Variants in PPIL6 observed in about 807,000 individuals in gnomAD.
The protein encoded by PPIL6 is peptidylprolyl isomerase like 6.
A neutral mutation model predicts 36.8 loss-of-function variants in PPIL6; 39 were observed. The ratio of observed to expected loss-of-function variants is 1.06; its 90% CI spans 0.82 to 1.38. PPIL6 has a LOEUF of 1.38. PPIL6 is among the 40% of genes most tolerant of loss of function. The probability of loss-of-function intolerance (pLI) is 0.00; values close to 1 mark genes in which losing one functional copy is unlikely to be tolerated. For synonymous variants in PPIL6, 123 were observed against 134.1 expected, an observed-to-expected ratio of 0.92 and a Z score of 0.57; for missense variants, 368 against 379.1, an observed-to-expected ratio of 0.97 and a Z score of 0.24.
chr6:109,440,694 T>C (rs893691491), upstream of PPIL6: 1 of 846,760 alleles, frequency 1.2e-6, no homozygotes, highest in Non-Finnish European at 1.5e-6. Flanking sequence ...CAGGGGCGGG[T>C]CGAGGGCGGC....
intron 5 of PPIL6, among the ~76,000 whole-genome samples, chr6:109,420,954 C>T (rs975265949): frequency 7.2e-5 from 11 of 152,192 alleles, no homozygotes; most frequent in Middle Eastern, 3.2e-3. Flanking sequence ...GGTTCACTAC[C>T]CAGCCCCAGG....
chr6:109,410,569 C>G lies in PPIL6; in HGVS notation c.688+8618G>C, dbSNP rs375208852. Among the ~76,000 whole-genome samples, 8 of 152,248 alleles carry G rather than the reference C, an allele frequency of 5.3e-5. No homozygotes were observed. The East Asian group carries it at 1.2e-3, about 22-fold the overall frequency. On this transcript the variant is annotated intron_variant, in intron 6 of 7. Coordinates refer to ENST00000521072, the MANE Select transcript of PPIL6 (RefSeq NM_173672.5). Reference sequence around the variant, plus strand: ...CTACTTGTTGAATGGAACTCTCCCCCACTTAACGGATTCCACTTGAACCCC... The same window carrying G: ...CTACTTGTTGAATGGAACTCTCCCCGACTTAACGGATTCCACTTGAACCCC...
chr6:109,405,474 C>G (rs1562258678), intron 6 of PPIL6, among the ~76,000 whole-genome samples: 1 of 152,166 alleles, frequency 6.6e-6, no homozygotes, highest in Non-Finnish European at 1.5e-5. Context: ...GAATTTCTCC[C>G]AGTCTGGAGT....
chr6:109,423,304 T>C (rs1419339940), intron 5 of PPIL6, among the ~76,000 whole-genome samples: 3 of 152,014 alleles, frequency 2.0e-5, no homozygotes, highest in Non-Finnish European at 4.4e-5. Flanking sequence ...GAGGTGGAGG[T>C]TGCAGTGAGC....
chr6:109,440,728 A>C, upstream of PPIL6: 2 of 513,478 alleles, frequency 3.9e-6, no homozygotes, highest in Non-Finnish European at 5.3e-6. Context: ...GCCTTTCCTC[A>C]ACTTTGCGCC....
chr6:109,441,073 C>T, upstream of PPIL6: 2 of 1,603,756 alleles, frequency 1.2e-6, 1 homozygote. Flanking sequence ...CCCACCGCGG[C>T]CGTCGCTGGA....
intron 3 of PPIL6, among the ~76,000 whole-genome samples, chr6:109,429,292 C>T (rs1156951808): frequency 6.6e-6 from 1 of 152,234 alleles, no homozygotes; most frequent in Admixed American, 6.5e-5. Flanking sequence ...CTGCACAGAC[C>T]TAAACATTTT....
At chr6:109,421,562 A>G (rs181137064) in intron 5 of PPIL6, among the ~76,000 whole-genome samples, 9 of 151,612 alleles carry the variant, frequency 5.9e-5, no homozygotes, top group Non-Finnish European at 1.2e-4. Context: ...CATTATCATC[A>G]TCTTCATCAT....
At chr6:109,403,021 G>A (rs758716760) in intron 6 of PPIL6, 5 of 1,518,700 alleles carry the variant, frequency 3.3e-6, no homozygotes, top group South Asian at 1.2e-5. Context: ...CTCTTTAATC[G>A]TCTGCTCACC....
chr6:109,398,921 T>C (rs1214560859), intron 7 of PPIL6, among the ~76,000 whole-genome samples: 1 of 151,896 alleles, frequency 6.6e-6, no homozygotes, highest in Non-Finnish European at 1.5e-5. Flanking sequence ...GCCTAAATGG[T>C]TTCTGTTTTT....
chr6:109,435,546 T>C (rs976996629), intron 2 of PPIL6, among the ~76,000 whole-genome samples: 3 of 152,158 alleles, frequency 2.0e-5, no homozygotes, highest in Non-Finnish European at 4.4e-5. Flanking sequence ...TCGGCCTGCC[T>C]TGGCCTCCCA....
chr6:109,428,858 G>T (rs1773968623), intron 3 of PPIL6, among the ~76,000 whole-genome samples: 1 of 152,102 alleles, frequency 6.6e-6, no homozygotes, highest in African/African-American at 2.4e-5. Context: ...GGCTCAGGAG[G>T]ATAAAGAGGA....
chr6:109,412,802 A>G (rs1773070012), intron 6 of PPIL6, among the ~76,000 whole-genome samples: 1 of 152,234 alleles, frequency 6.6e-6, no homozygotes, highest in Non-Finnish European at 1.5e-5. Flanking sequence ...AACATCGAGG[A>G]AACTCTCTGG....
rs144421142 is a variant in PPIL6 at position 109,431,213 on chromosome 6, C to T, written c.364G>A (p.Ala122Thr). 23 of 1,613,922 alleles carry T rather than the reference C, an allele frequency of 1.4e-5. No homozygotes were observed. The highest frequency in any genetic ancestry group is 1.9e-5 in the Non-Finnish European group (23 of 1,179,924). ...TCCTCAGTGAGTGCGTCATAAAGTG[C>T]AGAGGGTTTAATGTCAACTATATCC... is the stretch of plus-strand genomic sequence containing the variant. ...VWDIVDIKPS[A>T]LYDALTEDFS... The change falls in exon 3 of 8, where the codon GCA (alanine) becomes ACA (threonine). Residue 122 changes from alanine (A) to threonine (T), a missense_variant. Ala to Thr is a moderately conservative substitution (Grantham distance 58). Coordinates refer to ENST00000521072, the MANE Select transcript of PPIL6 (RefSeq NM_173672.5).
At chr6:109,421,816 G>T (rs1773555787) in intron 5 of PPIL6, among the ~76,000 whole-genome samples, 1 of 151,948 alleles carries the variant, frequency 6.6e-6, no homozygotes, top group Non-Finnish European at 1.5e-5. Context: ...AGGTGGGAGG[G>T]TTACTTGAGG....
chr6:109,411,654 C>G (rs955445200), intron 6 of PPIL6, among the ~76,000 whole-genome samples: 7 of 152,156 alleles, frequency 4.6e-5, no homozygotes, highest in Admixed American at 3.3e-4. Context: ...ATTTTTGGCC[C>G]TTGCTTATTT....
chr6:109,425,948 A>T (rs1773795344), intron 5 of PPIL6, among the ~76,000 whole-genome samples: 1 of 152,198 alleles, frequency 6.6e-6, no homozygotes, highest in African/African-American at 2.4e-5. Context: ...AAAAAAAACT[A>T]GGCAGATGCT....
intron 3 of PPIL6, among the ~76,000 whole-genome samples, chr6:109,428,530 G>C (rs1773944441): frequency 6.7e-6 from 1 of 148,842 alleles, no homozygotes; most frequent in South Asian, 2.2e-4. Flanking sequence ...TACAGCCTGG[G>C]TGACAGAGTG....
chr6:109,419,330 A>T (rs1373004578), intron 5 of PPIL6, 87 bp from the exon 6 acceptor site: 2 of 886,794 alleles, frequency 2.3e-6, no homozygotes, highest in East Asian at 4.9e-5. Flanking sequence ...TTTGCTTTCA[A>T]TGATGATTTC....
Sources: gnomAD v4.1 joint callset for allele counts (sites outside exome capture counted in the v4.1 genomes callset) on GRCh38, gnomAD v4.1.1 for gene constraint, MANE v1.5 for transcripts, NCBI Gene and HGNC (gene_info 2026-07-23, HGNC 2026-07-21) for gene names.